The following DIAPH3 variants were observed in gnomAD, a reference collection of about 807,000 sequenced individuals.
DIAPH3 encodes the protein protein diaphanous homolog 3.
Under a neutral mutation model 144.3 loss-of-function variants are expected in DIAPH3, and 117 were observed. The observed-to-expected ratio is 0.81, with a 90% CI of 0.70 to 0.95. The LOEUF (loss-of-function observed/expected upper bound fraction) is 0.95. DIAPH3 is among the 40% of genes least tolerant of loss of function. The pLI, the probability that DIAPH3 is intolerant of heterozygous loss-of-function variation, is 0.00. For missense variants in DIAPH3, 1,421 were observed against 1,412.7 expected, an observed-to-expected ratio of 1.01 and a Z score of -0.09; for synonymous variants, 519 against 488.9, an observed-to-expected ratio of 1.06 and a Z score of -0.81.
At chr13:59,761,194 C>T (rs1484919655) in intron 27 of DIAPH3, among the ~76,000 whole-genome samples, 1 of 152,164 alleles carries the variant, frequency 6.6e-6, no homozygotes, top group Admixed American at 6.5e-5. Flanking sequence ...AACTGTCTAA[C>T]CATCATTTCC....
intron 22 of DIAPH3, among the ~76,000 whole-genome samples, chr13:59,855,650 T>C (rs896357378): frequency 5.9e-5 from 9 of 151,694 alleles, no homozygotes; most frequent in African/African-American, 9.7e-5. Flanking sequence ...TTTACGAACA[T>C]AGGTTTTACT....
chr13:59,715,868 A>G (rs1052365538), intron 27 of DIAPH3, among the ~76,000 whole-genome samples: 3 of 152,184 alleles, frequency 2.0e-5, no homozygotes, highest in African/African-American at 7.2e-5. Flanking sequence ...GCCTGCTTGC[A>G]GATAAAACAT....
intron 27 of DIAPH3, among the ~76,000 whole-genome samples, chr13:59,752,123 C>T (rs1052338082): frequency 2.6e-5 from 4 of 152,150 alleles, no homozygotes; most frequent in Admixed American, 6.5e-5. Flanking sequence ...ATATTATCAT[C>T]AGTAATAACA....
At chr13:59,770,293 A>T (rs902484032) in intron 27 of DIAPH3, among the ~76,000 whole-genome samples, 1 of 152,162 alleles carries the variant, frequency 6.6e-6, no homozygotes, top group African/African-American at 2.4e-5. Context: ...GTTCCATTCA[A>T]GTATAAACAT....
intron 19 of DIAPH3, 137 bp from the exon 20 acceptor site, chr13:59,911,973 A>G: frequency 1.5e-6 from 1 of 677,288 alleles, no homozygotes; most frequent in Non-Finnish European, 2.5e-6. Context: ...CCTCCTAATA[A>G]GCCTTAAGCA....
rs767863890 is a variant in DIAPH3, at chr13:59,839,364, G to T, written c.2822C>A (p.Pro941His). 3.1e-6 allele frequency: 5 copies of T among 1,613,622 alleles called. No individual in the cohort carries two copies. The East Asian group carries it at 6.7e-5, about 22-fold the overall frequency. The change falls in exon 23 of 28, where the codon CCT becomes CAT. Residue 941 changes from proline (P) to histidine (H), a missense_variant. Pro to His is a moderately conservative substitution (Grantham distance 77). Coordinates refer to ENST00000400324, the MANE Select transcript of DIAPH3 (RefSeq NM_001042517.2). Reference protein sequence around the residue: ...QLEKELETFPPPEDLHDKFVT... With the variant: ...QLEKELETFPHPEDLHDKFVT... ...AAACTTGTCATGCAAGTCCTCAGGA[G>T]GGGGAAAGGTTTCCAATTCCTTCTC...
At chr13:60,137,530 C>A (rs1024755470) in intron 1 of DIAPH3, among the ~76,000 whole-genome samples, 1 of 152,096 alleles carries the variant, frequency 6.6e-6, no homozygotes, top group Non-Finnish European at 1.5e-5. Context: ...CAAGACTTTT[C>A]GCAAATTTTA....
intron 27 of DIAPH3, among the ~76,000 whole-genome samples, chr13:59,670,515 G>A (rs776087119): frequency 2.7e-4 from 41 of 151,932 alleles, no homozygotes; most frequent in Non-Finnish European, 4.6e-4. Context: ...AGCTGGACAG[G>A]AGGAGTTGCC....
At position 59,839,394 on chromosome 13, in the gene DIAPH3, T is replaced by C; in HGVS notation, c.2792A>G (p.Gln931Arg). 2.5e-6 allele frequency: 4 copies of C among 1,613,790 alleles called. No homozygotes were observed. The highest frequency in any genetic ancestry group is 2.5e-6 in the Non-Finnish European group (3 of 1,179,816). Residue 931 changes from glutamine (Q) to arginine (R), a missense_variant, in exon 23 of 28, where the codon CAG becomes CGG. Physicochemically the swap from Gln to Arg is conservative, Grantham distance 43. Coordinates refer to ENST00000400324, the MANE Select transcript of DIAPH3 (RefSeq NM_001042517.2). ...AAAGGTTTCCAATTCCTTCTCAAGC[T>C]GTTGAAGCTGCCTTCCCATCTGCCT... ...NLRQMGRQLQ[Q>R]LEKELETFPP...
At chr13:59,863,909 C>G (rs1044781130) in intron 21 of DIAPH3, among the ~76,000 whole-genome samples, 1 of 152,054 alleles carries the variant, frequency 6.6e-6, no homozygotes, top group African/African-American at 2.4e-5. Flanking sequence ...GTCTTGAGCA[C>G]ATTACTGGAC....
At chr13:59,814,081 C>A (rs2040639195) in intron 24 of DIAPH3, among the ~76,000 whole-genome samples, 1 of 151,940 alleles carries the variant, frequency 6.6e-6, no homozygotes, top group South Asian at 2.1e-4. Context: ...GATGAACCTA[C>A]AATAAATAAA....
At chr13:59,981,583 A>C (rs1464634663) in intron 13 of DIAPH3, among the ~76,000 whole-genome samples, 1 of 151,082 alleles carries the variant, frequency 6.6e-6, no homozygotes, top group African/African-American at 2.4e-5. Flanking sequence ...TATGATATAT[A>C]TACATGATAG....
intron 14 of DIAPH3, among the ~76,000 whole-genome samples, chr13:59,975,594 C>T (rs1451151109): frequency 6.6e-6 from 1 of 151,896 alleles, no homozygotes; most frequent in Non-Finnish European, 1.5e-5. Flanking sequence ...TTCCACATAC[C>T]CCCAACCCTA....
intron 4 of DIAPH3, among the ~76,000 whole-genome samples, chr13:60,093,307 CA>C (rs2058011009): frequency 2.0e-5 from 3 of 152,118 alleles, no homozygotes; most frequent in African/African-American, 7.2e-5. Context: ...TTCTATAATG[CA>C]GATATCACTG....
At chr13:60,151,369 G>A (rs1215069279) in intron 1 of DIAPH3, among the ~76,000 whole-genome samples, 9 of 152,270 alleles carry the variant, frequency 5.9e-5, no homozygotes, top group East Asian at 5.8e-4. Flanking sequence ...ATACAGACAC[G>A]TTTGAGTCTC....
intron 22 of DIAPH3, among the ~76,000 whole-genome samples, chr13:59,857,370 T>G (rs927718236): frequency 6.6e-6 from 1 of 152,120 alleles, no homozygotes; most frequent in Admixed American, 6.6e-5. Flanking sequence ...AGGAGACGTA[T>G]TTGAGCAGAC....
At chr13:59,694,767 C>A (rs1043394802) in intron 27 of DIAPH3, among the ~76,000 whole-genome samples, 4 of 152,000 alleles carry the variant, frequency 2.6e-5, no homozygotes, top group African/African-American at 9.7e-5. Flanking sequence ...CAAAGTTGTT[C>A]AGTCATTGGA....
At position 59,926,312 on chromosome 13, in the gene DIAPH3, T is replaced by G. The variant is rs146843835; in HGVS notation, c.2075-1442A>C. Among the ~76,000 whole-genome samples, 566 of 152,284 alleles carry G rather than the reference T, an allele frequency of 3.7e-3. 4 individuals carry two copies. Among genetic ancestry groups the G allele is most frequent in the African/African-American group, 0.013 (543 of 41,560 alleles). The stretch of plus-strand genomic sequence containing the variant: ...AATGTGTCTTCTTTTTTTATCTGTT[T>G]CATTTAGTTCTGCTCTGAACTTTAT... On this transcript the variant is annotated intron_variant, in intron 17 of 27. Transcript: ENST00000400324.
chr13:59,908,056 A>G (rs1164633834), intron 20 of DIAPH3, among the ~76,000 whole-genome samples: 1 of 152,158 alleles, frequency 6.6e-6, no homozygotes, highest in Non-Finnish European at 1.5e-5. Context: ...AGAAAACTGT[A>G]TCTAAGTGAT....
Sources: gnomAD v4.1 joint callset for allele counts (sites outside exome capture counted in the v4.1 genomes callset) on GRCh38, gnomAD v4.1.1 for gene constraint, MANE v1.5 for transcripts, NCBI Gene and HGNC (gene_info 2026-07-23, HGNC 2026-07-21) for gene names.